Variants in FILIP1L observed in about 807,000 individuals in gnomAD.
FILIP1L encodes filamin A-interacting protein 1-like.
A neutral mutation model predicts 96.6 loss-of-function variants in FILIP1L; 55 were observed. The ratio of observed to expected loss-of-function variants is 0.57; its 90% CI spans 0.46 to 0.71. FILIP1L has a LOEUF of 0.71. Among genes scored for constraint, FILIP1L ranks in the 30% least tolerant of loss-of-function variants. FILIP1L has a pLI of 0.00. For synonymous variants in FILIP1L, 467 were observed against 473.9 expected, an observed-to-expected ratio of 0.99 and a Z score of 0.19; for missense variants, 1,304 against 1,321.2, an observed-to-expected ratio of 0.99 and a Z score of 0.20.
chr3:99,847,577 C>G (rs1206620461), intron 5 of FILIP1L, among the ~76,000 whole-genome samples: 2 of 152,074 alleles, frequency 1.3e-5, no homozygotes, highest in Non-Finnish European at 2.9e-5. Context: ...CTCATGAAAA[C>G]CAAAATTATT....
chr3:99,832,793 T>C (rs2107487435), intron 5 of FILIP1L, among the ~76,000 whole-genome samples: 1 of 135,914 alleles, frequency 7.4e-6, no homozygotes, highest in African/African-American at 2.8e-5. Flanking sequence ...TGAGCCGAGA[T>C]CATAGCATTG....
rs367846393 is a variant in FILIP1L at position 99,984,048 on chromosome 3, A to ATGTGTGTGTGTGTG, written c.-10-53019_-10-53018insCACACACACACACA. Among the ~76,000 whole-genome samples the ATGTGTGTGTGTGTG allele has an allele frequency of 1.1e-3, 160 of 147,684 alleles. 2 individuals carry two copies. Among genetic ancestry groups the ATGTGTGTGTGTGTG allele is most frequent in the African/African-American group, 3.2e-3 (127 of 39,562 alleles). ...TTAATTAGCATGAAAAAGGATGTAT[A>ATGTGTGTGTGTGTG]TGTATGTGTGTTTGTGTGTGTGTGT... On this transcript the variant is annotated intron_variant, in intron 1 of 5. Coordinates refer to ENST00000477258, the MANE Select transcript of FILIP1L (RefSeq NM_001387850.1).
At chr3:100,100,074 G>A (rs1339314657) in intron 1 of FILIP1L, among the ~76,000 whole-genome samples, 2 of 152,200 alleles carry the variant, frequency 1.3e-5, no homozygotes, top group Non-Finnish European at 2.9e-5. Context: ...GAGTGGGCAA[G>A]TGTGGCATGA....
At chr3:99,977,837 A>G (rs1019644135) in intron 1 of FILIP1L, among the ~76,000 whole-genome samples, 1 of 152,306 alleles carries the variant, frequency 6.6e-6, no homozygotes, top group African/African-American at 2.4e-5. Flanking sequence ...ACAAGTATGG[A>G]TCCAATAAGA....
intron 4 of FILIP1L, among the ~76,000 whole-genome samples, chr3:99,893,356 G>A (rs891781265): frequency 2.0e-5 from 3 of 151,816 alleles, no homozygotes; most frequent in Non-Finnish European, 2.9e-5. Context: ...TAGTGGAGAC[G>A]GGGTTTCACT....
chr3:100,036,777 C>A (rs2065115181), intron 1 of FILIP1L, among the ~76,000 whole-genome samples: 1 of 151,974 alleles, frequency 6.6e-6, no homozygotes, highest in Non-Finnish European at 1.5e-5. Context: ...AGTAGAGAAG[C>A]CTGGTAGTGA....
In FILIP1L at chr3:99,863,332, A is replaced by G. The variant is rs137995983; in HGVS notation, c.606-12262T>C. Reference sequence around the variant, plus strand: ...CTCATCCCGCTGCTCACCTCCTGCTATGTGACCCGGTAATAGGCCTCAAAC... The same window carrying G: ...CTCATCCCGCTGCTCACCTCCTGCTGTGTGACCCGGTAATAGGCCTCAAAC... On this transcript the variant is annotated intron_variant, in intron 4 of 5. Coordinates refer to ENST00000477258, the MANE Select transcript of FILIP1L (RefSeq NM_001387850.1). Among the ~76,000 whole-genome samples the G allele has an allele frequency of 9.9e-5, 15 of 152,236 alleles. No homozygotes were observed. In the East Asian group the frequency reaches 1.4e-3, roughly 14 times the overall value.
At chr3:100,000,010 A>G (rs1015683422) in intron 1 of FILIP1L, among the ~76,000 whole-genome samples, 3 of 152,228 alleles carry the variant, frequency 2.0e-5, no homozygotes, top group Admixed American at 1.3e-4. Context: ...AAGAAATACC[A>G]GACTCCACCT....
intron 1 of FILIP1L, among the ~76,000 whole-genome samples, chr3:100,106,391 C>G (rs2066395901): frequency 6.6e-6 from 1 of 152,094 alleles, no homozygotes; most frequent in Non-Finnish European, 1.5e-5. Flanking sequence ...TCCCATCTAG[C>G]CAGATTTATT....
intron 4 of FILIP1L, among the ~76,000 whole-genome samples, chr3:99,868,607 GGTT>G (rs1275097007): frequency 6.6e-6 from 1 of 152,220 alleles, no homozygotes; most frequent in African/African-American, 2.4e-5. Flanking sequence ...CATAAGTCCA[GGTT>G]GTTCTGAAGG....
chr3:99,850,577 C>T lies in FILIP1L; in HGVS notation c.1099G>A (p.Gly367Ser). Residue 367 changes from glycine to serine, a missense_variant, in exon 5 of 6, where the codon GGT (glycine) becomes AGT (serine). Transcript: ENST00000477258. ...KISKGEYGNA[G>S]IMAEVEELRK... is the part of the protein sequence containing the mutation. ...AGCTCTTCCACTTCAGCCATGATACCAGCGTTTCCATATTCTCCCTTACTG... is the reference window on the plus strand; with the variant it reads ...AGCTCTTCCACTTCAGCCATGATACTAGCGTTTCCATATTCTCCCTTACTG... 1.2e-6 allele frequency: 2 copies of T among 1,613,774 alleles called. No individual in the cohort carries two copies. Among genetic ancestry groups the T allele is most frequent in the Non-Finnish European group, 1.7e-6 (2 of 1,180,014 alleles).
intron 1 of FILIP1L, among the ~76,000 whole-genome samples, chr3:99,983,466 A>ATGTGTG (rs1276688981): frequency 0.034 from 204 of 6,054 alleles, no homozygotes; most frequent in Non-Finnish European, 0.056. Flanking sequence ...ATATGTGTGT[A>ATGTGTG]TATATATATA....
chr3:100,056,969 A>C (rs1216519714), intron 1 of FILIP1L, among the ~76,000 whole-genome samples: 1 of 152,042 alleles, frequency 6.6e-6, no homozygotes, highest in Non-Finnish European at 1.5e-5. Flanking sequence ...GCACCACTGC[A>C]CTCCAGCCTG....
chr3:100,005,206 T>A (rs1036395141), intron 1 of FILIP1L, among the ~76,000 whole-genome samples: 6 of 152,246 alleles, frequency 3.9e-5, no homozygotes, highest in African/African-American at 1.4e-4. Flanking sequence ...GCACCTTGTA[T>A]TGTTAAAAAT....
intron 4 of FILIP1L, among the ~76,000 whole-genome samples, chr3:99,852,221 T>C (rs1943731171): frequency 1.3e-5 from 2 of 152,190 alleles, no homozygotes; most frequent in Admixed American, 1.3e-4. Flanking sequence ...AGTACTGTTA[T>C]ACAGAAGCTA....
rs529852082 is a variant in FILIP1L at position 99,900,114 on chromosome 3, A to G, written c.605+24116T>C. ...GAACAGTGTTTCACACATAGCAGGT[A>G]TTCAGTAAATATGTATTGGATGAAT... On this transcript the variant is annotated intron_variant, in intron 4 of 5. Coordinates refer to ENST00000477258, the MANE Select transcript of FILIP1L (RefSeq NM_001387850.1). Among the ~76,000 whole-genome samples the G allele has an allele frequency of 3.5e-4, 54 of 152,342 alleles. 1 individual carries two copies. In the South Asian group the frequency reaches 0.011, roughly 31 times the overall value.
chr3:100,108,560 G>T (rs976398236), intron 1 of FILIP1L, among the ~76,000 whole-genome samples: 1 of 152,142 alleles, frequency 6.6e-6, no homozygotes, highest in African/African-American at 2.4e-5. Flanking sequence ...TTCTGGTTTT[G>T]ACTCTGATTT....
chr3:99,938,303 C>A (rs745392409), intron 1 of FILIP1L, among the ~76,000 whole-genome samples: 41 of 152,328 alleles, frequency 2.7e-4, no homozygotes, highest in South Asian at 1.0e-3. Flanking sequence ...GCACCATTAA[C>A]CATCATTAGT....
intron 3 of FILIP1L, among the ~76,000 whole-genome samples, 171 bp from the exon 4 acceptor site, chr3:99,924,579 C>T (rs1253120449): frequency 6.6e-6 from 1 of 152,118 alleles, no homozygotes; most frequent in East Asian, 1.9e-4. Flanking sequence ...AGTGCAATGG[C>T]GCGATCTCGA....
Sources: allele counts gnomAD v4.1 joint callset (sites outside exome capture counted in the v4.1 genomes callset), GRCh38; gene constraint gnomAD v4.1.1; transcripts MANE v1.5; gene names NCBI Gene and HGNC (gene_info 2026-07-23, HGNC 2026-07-21).